PPFIA2: variants seen among roughly 807,000 people sequenced by gnomAD.
PPFIA2 encodes the protein liprin-alpha-2.
In PPFIA2, 46 loss-of-function variants were observed where a neutral mutation model predicts 175.5. The observed-to-expected ratio is 0.26, with a 90% CI of 0.21 to 0.34. The LOEUF is 0.34. Ranked by LOEUF, PPFIA2 falls within the 10% of genes least tolerant of loss-of-function variation. The pLI is 1.00. For synonymous variants in PPFIA2, 568 were observed against 511.4 expected (o/e 1.11, Z -1.49); for missense variants, 1,179 against 1,506.1 (o/e 0.78, Z 3.60).
intron 28 of PPFIA2, among the ~76,000 whole-genome samples, chr12:81,269,305 GGGAAA>G (rs1337146667): frequency 2.6e-5 from 4 of 152,032 alleles, no homozygotes; most frequent in Non-Finnish European, 5.9e-5. Flanking sequence ...CCCATAGAAA[GGGAAA>G]GGAAACTATA....
At chr12:81,555,872 C>G (rs1209567678) in intron 4 of PPFIA2, among the ~76,000 whole-genome samples, 1 of 151,880 alleles carries the variant, frequency 6.6e-6, no homozygotes, top group Non-Finnish European at 1.5e-5. Flanking sequence ...ATGGCTCTAA[C>G]AAAATATAAT....
chr12:81,335,744 A>AAAG (rs376432233), intron 21 of PPFIA2, among the ~76,000 whole-genome samples: 1 of 149,394 alleles, frequency 6.7e-6, no homozygotes, highest in Non-Finnish European at 1.5e-5. Flanking sequence ...TTCTGTCTAA[A>AAAG]AACAACAACA....
At chr12:81,488,036 G>T (rs1161712226) in intron 4 of PPFIA2, among the ~76,000 whole-genome samples, 1 of 151,746 alleles carries the variant, frequency 6.6e-6, no homozygotes, top group African/African-American at 2.4e-5. Context: ...CATTAGTTGT[G>T]GCCGATAATT....
At chr12:81,385,947 T>A (rs1291695077) in intron 8 of PPFIA2, among the ~76,000 whole-genome samples, 1 of 152,030 alleles carries the variant, frequency 6.6e-6, no homozygotes, top group Non-Finnish European at 1.5e-5. Flanking sequence ...CATTACATTG[T>A]AACTCACGAA....
Position 81,368,743 on chromosome 12 carries a change from C to T in PPFIA2, c.1464G>A (p.Met488Ile). Residue 488 changes from methionine (M) to isoleucine (I), a missense_variant, in exon 13 of 33, where the codon ATG (methionine) becomes ATA (isoleucine). Met to Ile is a conservative substitution (Grantham distance 10, BLOSUM62 1). Transcript: ENST00000549396. Reference sequence around the variant, plus strand: ...GTTTTACCTTTTCTTCTAGAGCAGCCATTCTTTCCTTTAAGTGTAGTTGTA... The same window carrying T: ...GTTTTACCTTTTCTTCTAGAGCAGCTATTCTTTCCTTTAAGTGTAGTTGTA... ...ERLQLHLKER[M>I]AALEEKNVLI... 6.2e-7 allele frequency: 1 copy of T among 1,607,682 alleles called. No homozygotes were observed. Among genetic ancestry groups the T allele is most frequent in the Non-Finnish European group, 8.5e-7 (1 of 1,176,974 alleles).
chr12:81,273,329 C>T (rs990515733), intron 28 of PPFIA2, among the ~76,000 whole-genome samples: 5 of 152,106 alleles, frequency 3.3e-5, no homozygotes, highest in African/African-American at 1.2e-4. Flanking sequence ...ACCACCACCC[C>T]ACTCCGTTCC....
At chr12:81,567,853 G>A (rs1319375260) in intron 4 of PPFIA2, among the ~76,000 whole-genome samples, 1 of 152,082 alleles carries the variant, frequency 6.6e-6, no homozygotes, top group Non-Finnish European at 1.5e-5. Context: ...GTGAATTATT[G>A]AACCTCGGTG....
intron 4 of PPFIA2, among the ~76,000 whole-genome samples, chr12:81,657,562 C>T (rs1054327245): frequency 6.6e-6 from 1 of 152,124 alleles, no homozygotes; most frequent in Admixed American, 6.6e-5. Flanking sequence ...TTAGGCTACA[C>T]AGTCACAGGG....
At chr12:81,686,925 C>T (rs748400471) in intron 3 of PPFIA2, among the ~76,000 whole-genome samples, 8 of 152,062 alleles carry the variant, frequency 5.3e-5, no homozygotes, top group Non-Finnish European at 1.2e-4. Context: ...TTTCCACTCT[C>T]ACTTTCATAT....
chr12:81,726,719 C>G (rs184284075), intron 3 of PPFIA2, among the ~76,000 whole-genome samples: 1 of 151,282 alleles, frequency 6.6e-6, no homozygotes, highest in African/African-American at 2.4e-5. Flanking sequence ...TATTGCTATT[C>G]GCTCAAAAAA....
chr12:81,381,990 T>C (rs112226988), intron 9 of PPFIA2, among the ~76,000 whole-genome samples: 2 of 152,180 alleles, frequency 1.3e-5, no homozygotes, highest in Non-Finnish European at 2.9e-5. Context: ...AAACCCTAGC[T>C]CTTATAGATG....
intron 5 of PPFIA2, among the ~76,000 whole-genome samples, chr12:81,456,219 T>TA (rs1433141852): frequency 2.6e-5 from 4 of 152,058 alleles, no homozygotes; most frequent in Non-Finnish European, 5.9e-5. Context: ...AGTGTTAAGT[T>TA]AAAAAAGTCA....
At chr12:81,662,897 C>T (rs2069223971) in intron 4 of PPFIA2, among the ~76,000 whole-genome samples, 1 of 152,174 alleles carries the variant, frequency 6.6e-6, no homozygotes, top group African/African-American at 2.4e-5. Context: ...GCTGGTTCAA[C>T]ATATGCAAAT....
At chr12:81,311,019 G>C (rs1490573517) in intron 22 of PPFIA2, among the ~76,000 whole-genome samples, 1 of 152,066 alleles carries the variant, frequency 6.6e-6, no homozygotes, top group Non-Finnish European at 1.5e-5. Flanking sequence ...AAATAACACT[G>C]CTTTAAATTT....
At chr12:81,673,366 C>T (rs1169958281) in intron 4 of PPFIA2, among the ~76,000 whole-genome samples, 1 of 152,078 alleles carries the variant, frequency 6.6e-6, no homozygotes, top group African/African-American at 2.4e-5. Context: ...CCTGGCCTTG[C>T]CAGGGGTTGG....
intron 8 of PPFIA2, among the ~76,000 whole-genome samples, chr12:81,404,711 GA>G (rs2042629937): frequency 6.6e-6 from 1 of 152,164 alleles, no homozygotes; most frequent in African/African-American, 2.4e-5. Context: ...CTTCTTTCCG[GA>G]AATTCATCTG....
intron 7 of PPFIA2, among the ~76,000 whole-genome samples, chr12:81,435,981 T>A (rs2048915190): frequency 6.6e-6 from 1 of 151,860 alleles, no homozygotes; most frequent in African/African-American, 2.4e-5. Context: ...AAATTTAATT[T>A]AAAATCTGAA....
chr12:81,618,411 G>C (rs985606196), intron 4 of PPFIA2, among the ~76,000 whole-genome samples: 5 of 151,422 alleles, frequency 3.3e-5, no homozygotes, highest in African/African-American at 1.2e-4. Context: ...GTTAGCTTTA[G>C]CTAATGATTA....
chr12:81,471,308 G>A (rs1390643663), intron 4 of PPFIA2: 1 of 151,318 alleles, frequency 6.6e-6, no homozygotes, highest in Non-Finnish European at 1.5e-5. Flanking sequence ...ACTACTCAAA[G>A]GTAGTTTTAT....
Sources: allele counts gnomAD v4.1 joint callset (sites outside exome capture counted in the v4.1 genomes callset), GRCh38; gene constraint gnomAD v4.1.1; transcripts MANE v1.5; gene names NCBI Gene and HGNC (gene_info 2026-07-23, HGNC 2026-07-21).